SLC2A1: variants seen among roughly 807,000 people sequenced by gnomAD.
SLC2A1 encodes the protein solute carrier family 2 member 1.
SLC2A1 carries 4 observed loss-of-function variants against 46.6 expected under a neutral mutation model. That is an observed-to-expected ratio of 0.09 (90% CI 0.04 to 0.20). The LOEUF (loss-of-function observed/expected upper bound fraction) is 0.20, where lower values mean the gene tolerates loss of function less well. Ranked by LOEUF, SLC2A1 falls within the 10% of genes least tolerant of loss-of-function variation. The pLI is 1.00. For synonymous variants in SLC2A1, 253 were observed against 270.0 expected (o/e 0.94, Z 0.62); for missense variants, 352 against 667.0 (o/e 0.53, Z 5.20).
intron 1 of SLC2A1, among the ~76,000 whole-genome samples, chr1:42,953,939 G>A (rs577812835): frequency 6.6e-6 from 1 of 152,280 alleles, no homozygotes; most frequent in Admixed American, 6.5e-5. Context: ...CTCTAATTTA[G>A]GGCACGGGGC....
At chr1:42,943,784 T>C (rs2124462450) in intron 1 of SLC2A1, among the ~76,000 whole-genome samples, 1 of 152,292 alleles carries the variant, frequency 6.6e-6, no homozygotes. Flanking sequence ...GGCTTCTGAT[T>C]CCAGCCCATC....
rs140903974 is a variant in SLC2A1 at position 42,941,413 on chromosome 1, G to A, written c.114+1813C>T. Among the ~76,000 whole-genome samples the A allele has an allele frequency of 7.1e-3, 1,085 of 152,104 alleles. 11 individuals are homozygous for A. The highest frequency in any genetic ancestry group is 0.025 in the African/African-American group (1,045 of 41,468). Reference sequence around the variant, plus strand: ...TCTAGTGACACACTAAACTACTCACGCTTTACTGAATGCCAGGCTTTCTGT... The same window carrying A: ...TCTAGTGACACACTAAACTACTCACACTTTACTGAATGCCAGGCTTTCTGT... On this transcript the variant is annotated intron_variant, in intron 2 of 9. Coordinates refer to ENST00000426263, the MANE Select transcript of SLC2A1 (RefSeq NM_006516.4).
intron 1 of SLC2A1, among the ~76,000 whole-genome samples, chr1:42,945,250 C>T (rs559032499): frequency 5.3e-5 from 8 of 152,282 alleles, no homozygotes; most frequent in Admixed American, 2.6e-4. Flanking sequence ...ATCAATCTAT[C>T]ATTTAAGAAA....
At chr1:42,931,261 C>T in intron 2 of SLC2A1, 55 bp from the exon 3 acceptor site, 1 of 1,574,920 alleles carries the variant, frequency 6.3e-7, no homozygotes, top group Non-Finnish European at 8.7e-7. Flanking sequence ...ACCCAGTCTT[C>T]CTTTTCCTTT....
rs1471798746 is a variant in SLC2A1 at position 42,954,506 on chromosome 1, CAA to C, written c.18+4126_18+4127del. Reference sequence around the variant, plus strand: ...TGTCATGGCACTCCAGCCTGGGCAACAAGAGCGAAACTCCGTCTCAAAAATCA... The same window carrying C: ...TGTCATGGCACTCCAGCCTGGGCAACGAGCGAAACTCCGTCTCAAAAATCA... On this transcript the variant is annotated intron_variant, in intron 1 of 9. Coordinates refer to ENST00000426263, the MANE Select transcript of SLC2A1 (RefSeq NM_006516.4). The surrounding 1 kb of genome is among the most constrained non-coding windows in gnomAD (Gnocchi z 4.2). Among the ~76,000 whole-genome samples, 4 of 152,218 alleles carry C rather than the reference CAA, an allele frequency of 2.6e-5. No individual in the cohort carries two copies. Among genetic ancestry groups the C allele is most frequent in the Non-Finnish European group, 4.4e-5 (3 of 68,032 alleles).
At position 42,939,076 on chromosome 1, in the gene SLC2A1, G is replaced by A. The variant is rs1643571053; in HGVS notation, c.114+4150C>T. On this transcript the variant is annotated intron_variant, in intron 2 of 9. Transcript: ENST00000426263. ...GGACCGCATCTGGCACAGCGTGGAT[G>A]CTCAGGAAGTCCTGGCTGAATGAAA... Among the ~76,000 whole-genome samples the A allele has an allele frequency of 2.0e-5, 3 of 152,266 alleles. No individual in the cohort carries two copies. The South Asian group carries it at 6.2e-4, about 31-fold the overall frequency.
At chr1:42,947,581 CAAAA>C (rs144784155) in intron 1 of SLC2A1, among the ~76,000 whole-genome samples, 9 of 55,834 alleles carry the variant, frequency 1.6e-4, no homozygotes, top group African/African-American at 3.7e-4. Flanking sequence ...CACACACACA[CAAAA>C]AAAAAAAAAA....
In SLC2A1 at chr1:42,929,977, A is replaced by C; in HGVS notation, c.575T>G (p.Ile192Ser). Residue 192 changes from isoleucine (I) to serine (S), a missense_variant, in exon 5 of 10, where the codon ATC becomes AGC. Coordinates refer to ENST00000426263, the MANE Select transcript of SLC2A1 (RefSeq NM_006516.4). The surrounding 1 kb of genome is among the most constrained non-coding windows in gnomAD (Gnocchi z 6.0). ...CTGCAGCAGGGCCGGGATGAAGATG[A>C]TGCTCAGCAGCAGGGGCCACAGGTC... ...NKDLWPLLLS[I>S]IFIPALLQCI... 1 of 1,614,146 alleles carries C rather than the reference A, an allele frequency of 6.2e-7. No individual in the cohort carries two copies. Among genetic ancestry groups the C allele is most frequent in the Non-Finnish European group, 8.5e-7 (1 of 1,180,006 alleles).
intron 2 of SLC2A1, among the ~76,000 whole-genome samples, chr1:42,936,588 G>T (rs1477144281): frequency 6.6e-6 from 1 of 152,124 alleles, no homozygotes; most frequent in African/African-American, 2.4e-5. Context: ...CCTGCAGAGG[G>T]CTGGACCACC....
Position 42,929,358 on chromosome 1 carries a change from G to C in SLC2A1, c.868-44C>G, listed in dbSNP as rs903898556. 31 of 1,462,026 alleles carry C rather than the reference G, an allele frequency of 2.1e-5. No homozygotes were observed. Among genetic ancestry groups the C allele is most frequent in the Admixed American group, 5.6e-5 (3 of 53,426 alleles). 90.6% of individuals were successfully genotyped at this position (1,462,026 alleles called of 1,614,324 possible). On this transcript the variant is annotated intron_variant, in intron 6 of 9. Transcript: ENST00000426263. This position sits in a 1 kb window ranked among gnomAD's most constrained non-coding sequence, Gnocchi z 6.0. ...TGTTGGGGCCTACCTGGACATTGTG[G>C]CCCTTCCCTGCCTCTGTAGCAGTGG...
At position 42,927,082 on chromosome 1, in the gene SLC2A1, C is replaced by T. The variant is rs756304012; in HGVS notation, c.1438G>A (p.Glu480Lys). ...GGASQSDKTP[E>K]ELFHPLGADS... The stretch of plus-strand genomic sequence containing the variant: ...GCCCCCAGGGGATGGAACAGCTCCT[C>T]GGGTGTCTTGTCACTTTGGCTGGCT... The change falls in exon 10 of 10, where the codon GAG (glutamate) becomes AAG (lysine). Residue 480 changes from glutamate to lysine, a missense_variant. Coordinates refer to ENST00000426263, the MANE Select transcript of SLC2A1 (RefSeq NM_006516.4). This position sits in a 1 kb window ranked among gnomAD's most constrained non-coding sequence, Gnocchi z 5.3. 8.1e-6 allele frequency: 13 copies of T among 1,614,194 alleles called. No homozygotes were observed. Among genetic ancestry groups the T allele is most frequent in the East Asian group, 2.2e-5 (1 of 44,874 alleles).
intron 1 of SLC2A1, among the ~76,000 whole-genome samples, chr1:42,947,943 A>G (rs1009040707): frequency 6.6e-6 from 1 of 152,002 alleles, no homozygotes; most frequent in Admixed American, 6.6e-5. Flanking sequence ...TAAATACAGC[A>G]CCCCACAAAA....
chr1:42,952,517 G>A, intron 1 of SLC2A1: 5 of 411,984 alleles, frequency 1.2e-5, no homozygotes, highest in South Asian at 8.8e-5. Context: ...GCCGCATAAG[G>A]GCCAGGGCCA....
Position 42,926,260 on chromosome 1 carries a change from T to G in SLC2A1, c.*781A>C, listed in dbSNP as rs565643204. ...ATATACTATAACTTAGTGTCTGTAT[T>G]TAATATTGACAACCAAAAATATATA... On this transcript the variant is annotated 3_prime_UTR_variant, in exon 10 of 10. Coordinates refer to ENST00000426263, the MANE Select transcript of SLC2A1 (RefSeq NM_006516.4). The G allele has an allele frequency of 3.9e-5, 6 of 153,254 alleles. No individual in the cohort carries two copies. Among genetic ancestry groups the G allele is most frequent in the Admixed American group, 3.3e-4 (5 of 15,384 alleles). 9.5% of individuals were successfully genotyped at this position (153,254 alleles called of 1,614,324 possible). A position where few individuals can be genotyped will look rare whatever the true frequency, so the allele number is the denominator to read the frequency against.
At chr1:42,957,310 A>C (rs115254313) in intron 1 of SLC2A1, among the ~76,000 whole-genome samples, 1,867 of 152,244 alleles carry the variant, frequency 0.012, 13 homozygotes, top group Non-Finnish European at 0.016. Flanking sequence ...ACCTCAAGCG[A>C]GGGCCCAGGA....
At chr1:42,941,878 T>G (rs1004728045) in intron 2 of SLC2A1, among the ~76,000 whole-genome samples, 8 of 152,248 alleles carry the variant, frequency 5.3e-5, no homozygotes, top group Non-Finnish European at 1.5e-5. Context: ...ACGGTCTCCA[T>G]GCCCAGCAAA....
rs1643432505 is a variant in SLC2A1, at chr1:42,926,933, C to A, written c.*108G>T. On this transcript the variant is annotated 3_prime_UTR_variant, in exon 10 of 10. Transcript: ENST00000426263. Reference sequence around the variant, plus strand: ...CTGGCTGGAGAAAGGAGCCCCAGGCCCGGCTCGGCTGACATCTGTCAGGTT... The same window carrying A: ...CTGGCTGGAGAAAGGAGCCCCAGGCACGGCTCGGCTGACATCTGTCAGGTT... 5 of 1,540,108 alleles carry A rather than the reference C, an allele frequency of 3.2e-6. No homozygotes were observed. The highest frequency in any genetic ancestry group is 4.4e-6 in the Non-Finnish European group (5 of 1,146,992).
At chr1:42,958,347 G>T (rs890055397) in intron 1 of SLC2A1, among the ~76,000 whole-genome samples, 2 of 151,018 alleles carry the variant, frequency 1.3e-5, no homozygotes, top group Non-Finnish European at 3.0e-5. Flanking sequence ...CAGCAGGGCC[G>T]CGTGGACGGC....
rs1012277468 is a variant in SLC2A1 at position 42,943,024 on chromosome 1, T to C, written c.114+202A>G. 5.3e-5 allele frequency: 33 copies of C among 623,126 alleles called. No individual in the cohort carries two copies. The Admixed American group carries it at 6.2e-4, about 12-fold the overall frequency. 38.6% of individuals were successfully genotyped at this position (623,126 alleles called of 1,614,324 possible). A position where few individuals can be genotyped will look rare whatever the true frequency, so the allele number is the denominator to read the frequency against. On this transcript the variant is annotated intron_variant, in intron 2 of 9. Transcript: ENST00000426263. Reference sequence around the variant, plus strand: ...CCCCAGGATTCTGTGGGACCTGAGATTCTAGAATTCTGCCACCCTGATTCC... The same window carrying C: ...CCCCAGGATTCTGTGGGACCTGAGACTCTAGAATTCTGCCACCCTGATTCC...
Sources: allele counts gnomAD v4.1 joint callset (sites outside exome capture counted in the v4.1 genomes callset), GRCh38; gene constraint gnomAD v4.1.1; non-coding constraint Gnocchi (gnomAD v3.1); transcripts MANE v1.5; gene names NCBI Gene and HGNC (gene_info 2026-07-23, HGNC 2026-07-21).